KLC1: variants seen among roughly 807,000 people sequenced by gnomAD.
KLC1 encodes the protein kinesin 2 60/70kDa.
A neutral mutation model predicts 84.2 loss-of-function variants in KLC1; 30 were observed. The ratio of observed to expected loss-of-function variants is 0.36; its 90% CI spans 0.27 to 0.48. The LOEUF is 0.48. KLC1 is among the 20% of genes least tolerant of loss of function. The probability of loss-of-function intolerance (pLI) is 0.99; values close to 1 mark genes in which losing one functional copy is unlikely to be tolerated. For synonymous variants in KLC1, 289 were observed against 293.3 expected, an observed-to-expected ratio of 0.99 and a Z score of 0.15; for missense variants, 499 against 805.4, an observed-to-expected ratio of 0.62 and a Z score of 4.60.
At position 103,662,874 on chromosome 14, in the gene KLC1, A is replaced by T. The variant is rs1022112042; in HGVS notation, c.744A>T (p.Gly248=). The T allele has an allele frequency of 1.9e-5, 30 of 1,613,704 alleles. No homozygotes were observed. Among genetic ancestry groups the T allele is most frequent in the Non-Finnish European group, 2.5e-5 (30 of 1,179,986 alleles). ...QALEDLEKTS[G]HDHPDVATML... ...TGGAGGACCTGGAGAAGACTTCAGG[A>T]CACGACCACCCGGACGTGGCCACCA... The change falls in exon 5 of 17, where the codon GGA becomes GGT. Residue 248 remains glycine (G), a synonymous_variant. Coordinates refer to ENST00000334553, the MANE Select transcript of KLC1 (RefSeq NM_001394837.1).
intron 14 of KLC1, among the ~76,000 whole-genome samples, chr14:103,690,764 T>A (rs1200357239): frequency 6.6e-6 from 1 of 152,262 alleles, no homozygotes; most frequent in African/African-American, 2.4e-5. Flanking sequence ...ATAGTCATTT[T>A]ATGACTGTCC....
intron 15 of KLC1, chr14:103,696,051 A>G (rs2082454126): frequency 1.0e-6 from 1 of 984,026 alleles, no homozygotes; most frequent in Non-Finnish European, 1.2e-6. Flanking sequence ...CGCGAGAGTC[A>G]GCACCTGTTT....
intron 9 of KLC1, among the ~76,000 whole-genome samples, chr14:103,673,943 C>T (rs1190831036): frequency 1.3e-5 from 2 of 151,646 alleles, no homozygotes; most frequent in Admixed American, 6.6e-5. Flanking sequence ...AAAGACACCA[C>T]AGACTAAGTG....
intron 13 of KLC1, chr14:103,685,489 G>C: frequency 8.0e-7 from 1 of 1,256,016 alleles, no homozygotes; most frequent in Non-Finnish European, 1.0e-6. Context: ...GGTAGAAGCA[G>C]GCAGAAGGTC....
chr14:103,681,523 T>A (rs2081339045), intron 13 of KLC1, among the ~76,000 whole-genome samples: 1 of 151,716 alleles, frequency 6.6e-6, no homozygotes, highest in Admixed American at 6.6e-5. Context: ...GCAGTCACGC[T>A]ATCTCGGCTC....
chr14:103,698,460 G>A, intron 15 of KLC1: 1 of 373,990 alleles, frequency 2.7e-6, no homozygotes, highest in South Asian at 2.4e-5. Flanking sequence ...TCCATGTGGA[G>A]AGAAGAAGCA....
At chr14:103,684,530 C>T (rs1381889664) in intron 13 of KLC1, among the ~76,000 whole-genome samples, 1 of 152,212 alleles carries the variant, frequency 6.6e-6, no homozygotes, top group Non-Finnish European at 1.5e-5. Context: ...CAGACTGACC[C>T]AGAGTGGGGC....
At position 103,701,493 on chromosome 14, in the gene KLC1, C is replaced by T. The variant is rs2083191626; in HGVS notation, c.*294C>T. On this transcript the variant is annotated 3_prime_UTR_variant, in exon 17 of 17. Coordinates refer to ENST00000334553, the MANE Select transcript of KLC1 (RefSeq NM_001394837.1). Reference sequence around the variant, plus strand: ...ATGTGTAACTTCCTCACGTTGTGTGCGATAACGTATTTTATTGTACATTTT... The same window carrying T: ...ATGTGTAACTTCCTCACGTTGTGTGTGATAACGTATTTTATTGTACATTTT... The T allele has an allele frequency of 4.9e-6, 2 of 408,754 alleles. No individual in the cohort carries two copies. The highest frequency in any genetic ancestry group is 6.1e-4 in the Middle Eastern group (1 of 1,628). The allele number at this position is 408,754 out of a possible 1,614,324, so 25.3% of individuals were successfully genotyped here. A position where few individuals can be genotyped will look rare whatever the true frequency, so the allele number is the denominator to read the frequency against.
chr14:103,699,417 T>G (rs773686312), intron 15 of KLC1: 1 of 1,612,588 alleles, frequency 6.2e-7, no homozygotes, highest in Non-Finnish European at 8.5e-7. Flanking sequence ...TCACGCAGCG[T>G]GGCCCCCAGG....
At chr14:103,679,569 C>G (rs955617036) in intron 13 of KLC1, 24 bp downstream of exon 13, 2 of 1,584,086 alleles carry the variant, frequency 1.3e-6, no homozygotes, top group Middle Eastern at 1.7e-4. Flanking sequence ...ACAGCGGGCA[C>G]GTGCTCCGGG....
intron 1 of KLC1, among the ~76,000 whole-genome samples, chr14:103,635,511 T>C (rs908895508): frequency 6.6e-6 from 1 of 152,116 alleles, no homozygotes; most frequent in Admixed American, 6.6e-5. Context: ...CCCAGCACTT[T>C]GGGAGGCTGA....
At chr14:103,646,188 C>G (rs761653523) in intron 1 of KLC1, among the ~76,000 whole-genome samples, 10 of 152,202 alleles carry the variant, frequency 6.6e-5, no homozygotes, top group Non-Finnish European at 1.2e-4. Context: ...TCATATCTAT[C>G]AGGGAGTTAG....
rs1367975057 is a variant in KLC1 at position 103,673,321 on chromosome 14, T to C, written c.1162-11T>C. On this transcript the variant is annotated splice_polypyrimidine_tract_variant and intron_variant, in intron 8 of 16. Coordinates refer to ENST00000334553, the MANE Select transcript of KLC1 (RefSeq NM_001394837.1). ...AAAGATATGAAATATTTTATTTTAT[T>C]TTATTTTAAGGCATCCTGCTATTTG... 1 of 1,562,980 alleles carries C rather than the reference T, an allele frequency of 6.4e-7. No individual in the cohort carries two copies. Among genetic ancestry groups the C allele is most frequent in the African/African-American group, 1.4e-5 (1 of 71,434 alleles).
At chr14:103,687,259 G>A in intron 14 of KLC1, 48 bp downstream of exon 14, 2 of 1,489,046 alleles carry the variant, frequency 1.3e-6, no homozygotes, top group Non-Finnish European at 1.8e-6. Flanking sequence ...CCGGCTGCTG[G>A]GCCGCTTCTC....
chr14:103,637,636 G>A (rs2151303549), intron 1 of KLC1, among the ~76,000 whole-genome samples: 1 of 151,948 alleles, frequency 6.6e-6, no homozygotes, highest in Admixed American at 6.6e-5. Flanking sequence ...CTATAAATAA[G>A]TCACCCAAAG....
chr14:103,695,160 A>ATG lies in KLC1; in HGVS notation c.1848+2736_1848+2737insGT, dbSNP rs754215111. 6 of 768,528 alleles carry ATG rather than the reference A, an allele frequency of 7.8e-6. No individual in the cohort carries two copies. In the East Asian group the frequency reaches 6.3e-4, roughly 81 times the overall value. 47.6% of individuals were successfully genotyped at this position (768,528 alleles called of 1,614,324 possible). ...GGATTAAAAGAAAAAATGTTAAATT[A>ATG]TATATATATATATGGCTGGGTGCGG... On this transcript the variant is annotated intron_variant, in intron 15 of 16. Transcript: ENST00000334553.
intron 1 of KLC1, among the ~76,000 whole-genome samples, chr14:103,639,235 T>A (rs1270189846): frequency 2.0e-5 from 3 of 152,120 alleles, no homozygotes; most frequent in Non-Finnish European, 4.4e-5. Context: ...TGATCTTGGC[T>A]CATTGCAGCC....
intron 5 of KLC1, among the ~76,000 whole-genome samples, chr14:103,663,307 C>G (rs965921052): frequency 6.6e-6 from 1 of 152,102 alleles, no homozygotes. Flanking sequence ...GTCTCGATCT[C>G]CTGACCTCGT....
At chr14:103,637,021 C>G (rs899157849) in intron 1 of KLC1, among the ~76,000 whole-genome samples, 1 of 150,526 alleles carries the variant, frequency 6.6e-6, no homozygotes, top group Non-Finnish European at 1.5e-5. Context: ...TGAGCCACCA[C>G]GCCCAGCAGT....
Sources: allele counts gnomAD v4.1 joint callset (sites outside exome capture counted in the v4.1 genomes callset), GRCh38; gene constraint gnomAD v4.1.1; transcripts MANE v1.5; gene names NCBI Gene and HGNC (gene_info 2026-07-23, HGNC 2026-07-21).